Variants in EYS observed in about 807,000 individuals in gnomAD.
EYS encodes the protein EGF-like photoreceptor maintenance factor.
EYS carries 250 observed loss-of-function variants against 282.1 expected under a neutral mutation model. The observed-to-expected ratio is 0.89, with a 90% CI of 0.80 to 0.98. The LOEUF (loss-of-function observed/expected upper bound fraction) is 0.98. EYS is among the 50% of genes least tolerant of loss of function. EYS has a pLI of 0.00. For missense variants in EYS, 4,016 were observed against 3,709.0 expected (o/e 1.08, Z -2.15); for synonymous variants, 1,355 against 1,282.9 (o/e 1.06, Z -1.20).
At chr6:64,322,632 G>A (rs1047343047) in intron 29 of EYS, among the ~76,000 whole-genome samples, 5 of 151,996 alleles carry the variant, frequency 3.3e-5, no homozygotes, top group Admixed American at 1.3e-4. Flanking sequence ...TAAGTTTTGT[G>A]GTTGAGGTGA....
chr6:64,720,424 T>G (rs995741446), intron 22 of EYS, among the ~76,000 whole-genome samples: 2 of 152,206 alleles, frequency 1.3e-5, no homozygotes, highest in Non-Finnish European at 2.9e-5. Flanking sequence ...AAGTAGAATA[T>G]TCACAGGTTC....
At chr6:65,626,705 G>A (rs1331455663) in intron 2 of EYS, among the ~76,000 whole-genome samples, 2 of 152,016 alleles carry the variant, frequency 1.3e-5, no homozygotes, top group Non-Finnish European at 2.9e-5. Flanking sequence ...CAAAAGTGAG[G>A]AATGACTAAT....
intron 2 of EYS, among the ~76,000 whole-genome samples, chr6:65,622,115 C>G (rs545052973): frequency 1.3e-3 from 205 of 152,254 alleles, no homozygotes; most frequent in Non-Finnish European, 2.4e-4. Flanking sequence ...TAAATGGAGA[C>G]CAGAATGAGA....
intron 41 of EYS, among the ~76,000 whole-genome samples, chr6:63,734,496 G>A (rs1406581226): frequency 2.0e-5 from 3 of 152,116 alleles, no homozygotes; most frequent in Non-Finnish European, 4.4e-5. Flanking sequence ...TGGGAACAGG[G>A]CACTCCCTAT....
intron 1 of EYS, among the ~76,000 whole-genome samples, chr6:65,678,590 C>T (rs931462284): frequency 2.0e-5 from 3 of 151,664 alleles, no homozygotes; most frequent in Non-Finnish European, 4.4e-5. Context: ...GAAACAAAAG[C>T]AAAAACAGAC....
chr6:64,945,097 C>T (rs563838523), intron 15 of EYS, among the ~76,000 whole-genome samples: 1 of 148,734 alleles, frequency 6.7e-6, no homozygotes, highest in Non-Finnish European at 1.5e-5. Context: ...GAGTGCCGGT[C>T]CCCTGGGCCC....
intron 33 of EYS, among the ~76,000 whole-genome samples, chr6:64,003,796 T>C (rs1203652072): frequency 6.6e-6 from 1 of 152,242 alleles, no homozygotes; most frequent in Non-Finnish European, 1.5e-5. Flanking sequence ...ACCTCCATGC[T>C]GTTCTTGTGA....
At chr6:64,598,138 A>G (rs902757552) in intron 24 of EYS, among the ~76,000 whole-genome samples, 18 of 152,288 alleles carry the variant, frequency 1.2e-4, no homozygotes, top group Middle Eastern at 3.4e-3. Flanking sequence ...CCCTTACCAT[A>G]ATGGATACAG....
chr6:65,010,949 G>A (rs1771846709), intron 13 of EYS, among the ~76,000 whole-genome samples: 2 of 152,136 alleles, frequency 1.3e-5, no homozygotes, highest in Non-Finnish European at 2.9e-5. Flanking sequence ...GAAAATAGAA[G>A]AGAACCGCCA....
At chr6:65,041,292 T>C (rs937094736) in intron 13 of EYS, among the ~76,000 whole-genome samples, 15 of 151,756 alleles carry the variant, frequency 9.9e-5, no homozygotes, top group Admixed American at 5.3e-4. Context: ...ATAATTTTCT[T>C]AGCCAGCTTC....
At chr6:65,442,965 C>CATATATGTAT (rs1462135786) in intron 5 of EYS, among the ~76,000 whole-genome samples, 11 of 147,560 alleles carry the variant, frequency 7.5e-5, no homozygotes, top group African/African-American at 2.7e-4. Flanking sequence ...TACATATGTA[C>CATATATGTAT]ATATATGTAT....
In EYS at chr6:65,597,489, A is replaced by T. The variant is rs56313818; in HGVS notation, c.-333+42289T>A. 8.9e-3 allele frequency among the ~76,000 whole-genome samples: 1,362 copies of T among 152,234 alleles called. 17 individuals are homozygous for T. Among genetic ancestry groups the T allele is most frequent in the African/African-American group, 0.031 (1,279 of 41,538 alleles). ...GCAGGCTTTTACTAAGAAATTACTGATGAATGAATGGATAGACACCCCCAA... is the reference window on the plus strand; with the variant it reads ...GCAGGCTTTTACTAAGAAATTACTGTTGAATGAATGGATAGACACCCCCAA... On this transcript the variant is annotated intron_variant, in intron 2 of 42. Coordinates refer to ENST00000503581, the MANE Select transcript of EYS (RefSeq NM_001142800.2).
intron 12 of EYS, among the ~76,000 whole-genome samples, chr6:65,078,313 G>A (rs1427724679): frequency 6.6e-6 from 1 of 152,130 alleles, no homozygotes; most frequent in Non-Finnish European, 1.5e-5. Flanking sequence ...AAATATTACA[G>A]TAGAAATTAA....
chr6:65,414,501 C>T (rs1767153224), intron 5 of EYS, among the ~76,000 whole-genome samples: 1 of 151,718 alleles, frequency 6.6e-6, no homozygotes, highest in Admixed American at 6.6e-5. Context: ...AAATCATGCT[C>T]TAAATATATT....
chr6:64,893,310 T>C (rs1467831629), intron 18 of EYS, among the ~76,000 whole-genome samples: 1 of 152,046 alleles, frequency 6.6e-6, no homozygotes, highest in Non-Finnish European at 1.5e-5. Context: ...TCTTAATTGT[T>C]GCAGGCCACA....
intron 29 of EYS, among the ~76,000 whole-genome samples, chr6:64,343,988 C>T (rs1771252111): frequency 6.6e-6 from 1 of 152,060 alleles, no homozygotes; most frequent in Non-Finnish European, 1.5e-5. Flanking sequence ...CACATACACA[C>T]TCCCAAGACT....
At chr6:65,089,794 A>G (rs996528026) in intron 12 of EYS, among the ~76,000 whole-genome samples, 17 of 151,670 alleles carry the variant, frequency 1.1e-4, no homozygotes, top group Non-Finnish European at 1.5e-5. Flanking sequence ...TCTCTACTAA[A>G]CAAATGCAAA....
intron 8 of EYS, among the ~76,000 whole-genome samples, chr6:65,368,416 T>G (rs1765003521): frequency 6.6e-6 from 1 of 151,694 alleles, no homozygotes; most frequent in Non-Finnish European, 1.5e-5. Context: ...TGAACACATC[T>G]GAAGCTTTAT....
chr6:64,748,317 C>T (rs1772624850), intron 22 of EYS, among the ~76,000 whole-genome samples: 1 of 152,184 alleles, frequency 6.6e-6, no homozygotes, highest in Admixed American at 6.5e-5. Context: ...CATTTTTTGG[C>T]ACCAGCGACC....
Sources: gnomAD v4.1 joint callset for allele counts (sites outside exome capture counted in the v4.1 genomes callset) on GRCh38, gnomAD v4.1.1 for gene constraint, MANE v1.5 for transcripts, NCBI Gene and HGNC (gene_info 2026-07-23, HGNC 2026-07-21) for gene names.